Variants in CERS1 observed in about 807,000 individuals in gnomAD.
The protein encoded by CERS1 is ceramide synthase 1.
CERS1 carries 16 observed loss-of-function variants against 35.7 expected under a neutral mutation model. The observed-to-expected ratio is 0.45, with a 90% confidence interval of 0.30 to 0.68. CERS1 has a LOEUF of 0.68. Among genes scored for constraint, CERS1 ranks in the 30% least tolerant of loss-of-function variants. The pLI, the probability that CERS1 is intolerant of heterozygous loss-of-function variation, is 0.08. For missense variants in CERS1, 454 were observed against 453.9 expected, an observed-to-expected ratio of 1.00 and a Z score of 0.00; for synonymous variants, 243 against 201.6, an observed-to-expected ratio of 1.21 and a Z score of -1.74.
chr19:18,893,981 G>A (rs755336128), intron 1 of CERS1, among the ~76,000 whole-genome samples: 2 of 151,982 alleles, frequency 1.3e-5, no homozygotes, highest in Non-Finnish European at 2.9e-5. Flanking sequence ...AGAGCCCCAT[G>A]GGACCGACAC....
Position 18,878,954 on chromosome 19 carries a change from T to C in CERS1, c.986A>G (p.Gln329Arg), listed in dbSNP as rs547876072. The C allele has an allele frequency of 1.2e-6, 2 of 1,613,784 alleles. No homozygotes were observed. Among genetic ancestry groups the C allele is most frequent in the Non-Finnish European group, 1.7e-6 (2 of 1,179,832 alleles). Residue 329 changes from glutamine to arginine, a missense_variant, in exon 6 of 8, where the codon CAG becomes CGG. Gln to Arg is a conservative substitution (Grantham distance 43). Coordinates refer to ENST00000623882, the MANE Select transcript of CERS1 (RefSeq NM_021267.5). The surrounding 1 kb of genome is among the most constrained non-coding windows in gnomAD (Gnocchi z 4.6). Reference sequence around the variant, plus strand: ...CTCGGCTTTGCTGGGCTTCAGGCTCTGGGCCTCGGCTGTGTCATACTCCCG... The same window carrying C: ...CTCGGCTTTGCTGGGCTTCAGGCTCCGGGCCTCGGCTGTGTCATACTCCCG... ...DLREYDTAEA[Q>R]SLKPSKAEKP...
chr19:18,886,172 G>A lies in CERS1; in HGVS notation c.410-1905C>T, dbSNP rs182702758. On this transcript the variant is annotated intron_variant, in intron 2 of 7. Coordinates refer to ENST00000623882, the MANE Select transcript of CERS1 (RefSeq NM_021267.5). ...TGTAATCCCAGCATTTTGAGAGGCCGAGGCAGGAGAGTTGCTTGAGTCCAG... is the reference window on the plus strand; with the variant it reads ...TGTAATCCCAGCATTTTGAGAGGCCAAGGCAGGAGAGTTGCTTGAGTCCAG... 2.6e-3 allele frequency among the ~76,000 whole-genome samples: 400 copies of A among 152,068 alleles called. 4 individuals are homozygous for A. The highest frequency in any genetic ancestry group is 1.9e-3 in the Non-Finnish European group (128 of 68,018).
chr19:18,868,865 C>T lies in CERS1; in HGVS notation c.*1120G>A, dbSNP rs2145985085. ...CAGGAAGCCGCGCGGCGCGATGACC[C>T]AGCGGTGCCAGCCCACCTCGCGGAA... On this transcript the variant is annotated 3_prime_UTR_variant, in exon 8 of 8. Transcript: ENST00000623882. The T allele has an allele frequency of 1.4e-6, 2 of 1,440,972 alleles. No homozygotes were observed. The highest frequency in any genetic ancestry group is 1.8e-6 in the Non-Finnish European group (2 of 1,089,720). 89.3% of individuals were successfully genotyped at this position (1,440,972 alleles called of 1,614,324 possible).
chr19:18,885,940 C>A (rs1264448097), intron 2 of CERS1, among the ~76,000 whole-genome samples: 1 of 152,212 alleles, frequency 6.6e-6, no homozygotes, highest in Non-Finnish European at 1.5e-5. Flanking sequence ...ACCATGCCAC[C>A]AAGCGCAGGG....
rs565672897 is a variant in CERS1, at chr19:18,879,095, G to A, written c.901-56C>T. 40 of 1,598,624 alleles carry A rather than the reference G, an allele frequency of 2.5e-5. No homozygotes were observed. In the Admixed American group the frequency reaches 6.9e-4, roughly 28 times the overall value. Reference sequence around the variant, plus strand: ...AAGAAAGCCCCCACGCCACTGCCCTGCTGACAGCCATGTGCTCCTGTCCCG... The same window carrying A: ...AAGAAAGCCCCCACGCCACTGCCCTACTGACAGCCATGTGCTCCTGTCCCG... On this transcript the variant is annotated intron_variant, in intron 5 of 7. Transcript: ENST00000623882.
rs1434909728 is a variant in CERS1 at position 18,895,923 on chromosome 19, A to G, written c.150T>C (p.Ala50=). 2 of 1,220,468 alleles carry G rather than the reference A, an allele frequency of 1.6e-6. No individual in the cohort carries two copies. Among genetic ancestry groups the G allele is most frequent in the East Asian group, 4.0e-5 (1 of 25,288 alleles). 75.6% of individuals were successfully genotyped at this position (1,220,468 alleles called of 1,614,324 possible). ...CGWGLARRGL[A]EHAHLAPPEL... ...CGGGCGGCGCCAGGTGCGCGTGCTCAGCCAGGCCGCGACGCGCCAGCCCCC... is the reference window on the plus strand; with the variant it reads ...CGGGCGGCGCCAGGTGCGCGTGCTCGGCCAGGCCGCGACGCGCCAGCCCCC... Residue 50 remains alanine (A), a synonymous_variant, in exon 1 of 8, where the codon GCT becomes GCC. Coordinates refer to ENST00000623882, the MANE Select transcript of CERS1 (RefSeq NM_021267.5). The surrounding 1 kb of genome is among the most constrained non-coding windows in gnomAD (Gnocchi z 6.4).
chr19:18,896,358 G>T (rs908815038), upstream of CERS1, among the ~76,000 whole-genome samples: 1 of 150,858 alleles, frequency 6.6e-6, no homozygotes, highest in Non-Finnish European at 1.5e-5. The surrounding 1 kb of genome is among the most constrained non-coding windows in gnomAD (Gnocchi z 5.9). Flanking sequence ...CCTGGACCCC[G>T]AGAGACCCCG....
chr19:18,896,058 C>A lies in CERS1; in HGVS notation c.15G>T (p.Gly5=), dbSNP rs899878063. 2.3e-5 allele frequency: 23 copies of A among 982,648 alleles called. No homozygotes were observed. In the African/African-American group the frequency reaches 4.1e-4, roughly 17 times the overall value. The allele number at this position is 982,648 out of a possible 1,614,324, so 60.9% of individuals were successfully genotyped here. ...CGGGCCCCGTCGGCCCCGCCGCGGG[C>A]CCCGCCGCCGCCATACCGCCCGCTC... MAAA[G]PAAGPTGPEP... Residue 5 remains glycine, a synonymous_variant, in exon 1 of 8, where the codon GGG becomes GGT. Transcript: ENST00000623882. This position sits in a 1 kb window ranked among gnomAD's most constrained non-coding sequence, Gnocchi z 5.9.
intron 2 of CERS1, among the ~76,000 whole-genome samples, chr19:18,886,636 C>G (rs956352377): frequency 6.6e-6 from 1 of 152,218 alleles, no homozygotes; most frequent in Non-Finnish European, 1.5e-5. Context: ...CTGGAACTCT[C>G]TGGGTTGCTC....
chr19:18,879,927 G>T (rs1049826617), intron 4 of CERS1, among the ~76,000 whole-genome samples: 1 of 150,504 alleles, frequency 6.6e-6, no homozygotes, highest in South Asian at 2.1e-4. Flanking sequence ...ACCCTGCTTG[G>T]CCCCACCCCT....
At chr19:18,890,419 G>T (rs1272013806) in intron 2 of CERS1, among the ~76,000 whole-genome samples, 3 of 152,228 alleles carry the variant, frequency 2.0e-5, no homozygotes, top group Non-Finnish European at 2.9e-5. Flanking sequence ...CTCAGCTGTG[G>T]CATACAGTAG....
chr19:18,889,453 G>A (rs1433138260), intron 2 of CERS1, among the ~76,000 whole-genome samples: 1 of 152,022 alleles, frequency 6.6e-6, no homozygotes, highest in East Asian at 1.9e-4. Flanking sequence ...GCCTCACTCT[G>A]TCAACCTGGC....
intron 2 of CERS1, among the ~76,000 whole-genome samples, chr19:18,888,878 TTTC>T (rs1469050768): frequency 6.8e-6 from 1 of 147,740 alleles, no homozygotes; most frequent in Non-Finnish European, 1.5e-5. Context: ...TATTCCAGAA[TTTC>T]TTTCTTTCTT....
At position 18,869,403 on chromosome 19, in the gene CERS1, G is replaced by GT; in HGVS notation, c.*595-14_*595-13insA. The GT allele has an allele frequency of 6.5e-7, 1 of 1,528,408 alleles. No individual in the cohort carries two copies. The highest frequency in any genetic ancestry group is 8.7e-7 in the Non-Finnish European group (1 of 1,144,160). The allele number at this position is 1,528,408 out of a possible 1,614,324, so 94.7% of individuals were successfully genotyped here. On this transcript the variant is annotated splice_polypyrimidine_tract_variant and intron_variant, in intron 7 of 7. Coordinates refer to ENST00000623882, the MANE Select transcript of CERS1 (RefSeq NM_021267.5). Reference sequence around the variant, plus strand: ...CGGGTGGGCGCACCTGGGGAGGTAGGAACAGGAACTCGGCTCGCGCTGCGT... The same window carrying GT: ...CGGGTGGGCGCACCTGGGGAGGTAGGTAACAGGAACTCGGCTCGCGCTGCGT...
At chr19:18,884,865 C>T (rs2056312342) in intron 2 of CERS1, among the ~76,000 whole-genome samples, 1 of 151,594 alleles carries the variant, frequency 6.6e-6, no homozygotes, top group African/African-American at 2.4e-5. Context: ...AGGCGCTGGA[C>T]ACCATGCCCG....
rs902908186 is a variant in CERS1, at chr19:18,895,362, C to T, written c.249+462G>A. Among the ~76,000 whole-genome samples, 1 of 152,226 alleles carries T rather than the reference C, an allele frequency of 6.6e-6. No individual in the cohort carries two copies. The highest frequency in any genetic ancestry group is 2.4e-5 in the African/African-American group (1 of 41,470). On this transcript the variant is annotated intron_variant, in intron 1 of 7. Coordinates refer to ENST00000623882, the MANE Select transcript of CERS1 (RefSeq NM_021267.5). This position sits in a 1 kb window ranked among gnomAD's most constrained non-coding sequence, Gnocchi z 6.4. ...ATGGCAGGGAGGCGCATGGCGCAGG[C>T]CGCGGTGCGCCGAGCCCTCCCGTTC...
chr19:18,893,629 TCCTTTG>T, intron 1 of CERS1, 54 bp from the exon 2 acceptor site: 2 of 1,540,944 alleles, frequency 1.3e-6, no homozygotes, highest in Non-Finnish European at 1.8e-6. Flanking sequence ...CAGAGACTGC[TCCTTTG>T]GGGTGGGGAA....
Position 18,884,241 on chromosome 19 carries a change from G to A in CERS1, c.436C>T (p.Arg146Trp), listed in dbSNP as rs913223329. Residue 146 changes from arginine (R) to tryptophan (W), a missense_variant, in exon 3 of 8, where the codon CGG becomes TGG. Arg to Trp is a moderately radical substitution (Grantham distance 101, BLOSUM62 -3). Coordinates refer to ENST00000623882, the MANE Select transcript of CERS1 (RefSeq NM_021267.5). Reference protein sequence around the residue: ...YDWTPGMAVPRDIAAAYLLQG... With the variant: ...YDWTPGMAVPWDIAAAYLLQG... ...AGCAGGTAGGCGGCTGCAATGTCCC[G>A]TGGCACTGCCATGCCCGGCGTCCAG... 10 of 1,613,076 alleles carry A rather than the reference G, an allele frequency of 6.2e-6. No homozygotes were observed. Among genetic ancestry groups the A allele is most frequent in the Admixed American group, 3.3e-5 (2 of 59,930 alleles).
intron 3 of CERS1, 121 bp downstream of exon 3, chr19:18,883,966 C>A: frequency 2.7e-6 from 3 of 1,099,384 alleles, no homozygotes; most frequent in East Asian, 2.6e-5. Flanking sequence ...ACCTTGGAAC[C>A]CTGAGCACTC....
Sources: allele counts gnomAD v4.1 joint callset (sites outside exome capture counted in the v4.1 genomes callset), GRCh38; gene constraint gnomAD v4.1.1; non-coding constraint Gnocchi (gnomAD v3.1); transcripts MANE v1.5; gene names NCBI Gene and HGNC (gene_info 2026-07-23, HGNC 2026-07-21).